PGAP1: variants seen among roughly 807,000 people sequenced by gnomAD.
The protein encoded by PGAP1 is post-GPI attachment to proteins inositol deacylase 1.
A neutral mutation model predicts 127.0 loss-of-function variants in PGAP1; 76 were observed. The observed-to-expected ratio is 0.60, with a 90% CI of 0.50 to 0.72. The LOEUF (loss-of-function observed/expected upper bound fraction) is 0.72. Ranked by LOEUF, PGAP1 falls within the 30% of genes least tolerant of loss-of-function variation. The probability of loss-of-function intolerance (pLI) is 0.00; values close to 1 mark genes in which losing one functional copy is unlikely to be tolerated. For synonymous variants in PGAP1, 362 were observed against 366.5 expected (o/e 0.99, Z 0.14); for missense variants, 982 against 1,071.3 (o/e 0.92, Z 1.16).
intron 20 of PGAP1, among the ~76,000 whole-genome samples, chr2:196,860,465 C>T (rs577893116): frequency 2.8e-4 from 43 of 151,984 alleles, no homozygotes; most frequent in Non-Finnish European, 5.3e-4. Flanking sequence ...ACCTGGGAGG[C>T]AGAGTTCGCA....
intron 10 of PGAP1, among the ~76,000 whole-genome samples, chr2:196,886,542 A>G (rs1701912519): frequency 6.6e-6 from 1 of 152,174 alleles, no homozygotes; most frequent in Admixed American, 6.5e-5. Flanking sequence ...TACTTTAATT[A>G]GATAGTTATA....
chr2:196,918,131 C>A (rs912973084), intron 2 of PGAP1, among the ~76,000 whole-genome samples: 2 of 152,146 alleles, frequency 1.3e-5, no homozygotes, highest in Non-Finnish European at 2.9e-5. Context: ...AAAGGAAATT[C>A]TCTTCATAGT....
rs762772805 is a variant in PGAP1 at position 196,844,018 on chromosome 2, T to C, written c.2395A>G (p.Ile799Val). Residue 799 changes from isoleucine (I) to valine (V), a missense_variant, in exon 25 of 27, where the codon ATA becomes GTA. Ile to Val is a conservative substitution (Grantham distance 29, BLOSUM62 3). Coordinates refer to ENST00000354764, the MANE Select transcript of PGAP1 (RefSeq NM_024989.4). The part of the protein sequence containing the change: ...KKSNHHKDSS[I>V]HHLRLSANDA... ...TTGGCAGATAAACGAAGATGGTGTA[T>C]TGAGGAGTCTTTATGATGATTGGAT... 6.2e-7 allele frequency: 1 copy of C among 1,605,336 alleles called. No individual in the cohort carries two copies. Among genetic ancestry groups the C allele is most frequent in the South Asian group, 1.1e-5 (1 of 89,908 alleles).
At chr2:196,914,720 T>C (rs552325899) in intron 3 of PGAP1, among the ~76,000 whole-genome samples, 1 of 151,782 alleles carries the variant, frequency 6.6e-6, no homozygotes, top group Admixed American at 6.6e-5. Context: ...TTCCATACAC[T>C]CTTAAATCCA....
At chr2:196,845,791 G>T in intron 23 of PGAP1, 91 bp downstream of exon 23, 1 of 1,109,950 alleles carries the variant, frequency 9.0e-7, no homozygotes, top group South Asian at 2.7e-5. Context: ...CAGTGTTTAT[G>T]AGAATTTTTG....
At chr2:196,844,158 C>A in intron 24 of PGAP1, 83 bp from the exon 25 acceptor site, 1 of 772,944 alleles carries the variant, frequency 1.3e-6, no homozygotes, top group South Asian at 4.2e-5. Flanking sequence ...TACTTATCAA[C>A]TAAATAAGTA....
chr2:196,841,316 G>A lies in PGAP1; in HGVS notation c.2687C>T (p.Ala896Val), dbSNP rs753725613. The change falls in exon 27 of 27, where the codon GCT becomes GTT. Residue 896 changes from alanine to valine, a missense_variant. Physicochemically the swap from Ala to Val is moderately conservative, Grantham distance 64. Coordinates refer to ENST00000354764, the MANE Select transcript of PGAP1 (RefSeq NM_024989.4). ...FPLPLAVGVI[A>V]FGSAHLYRLP... ...CCTATATAAATGTGCTGACCCAAAA[G>A]CAATCACACCAACAGCCAGAGGAAG... 2 of 1,613,696 alleles carry A rather than the reference G, an allele frequency of 1.2e-6. No homozygotes were observed. The highest frequency in any genetic ancestry group is 1.3e-5 in the African/African-American group (1 of 74,988).
chr2:196,859,093 G>A (rs1700981360), intron 20 of PGAP1, among the ~76,000 whole-genome samples: 1 of 152,162 alleles, frequency 6.6e-6, no homozygotes, highest in South Asian at 2.1e-4. Context: ...TTGGGAGGCT[G>A]AGGCAGGCAG....
rs772233802 is a variant in PGAP1 at position 196,841,256 on chromosome 2, T to G, written c.2747A>C (p.His916Pro). Residue 916 changes from histidine to proline, a missense_variant, in exon 27 of 27, where the codon CAT (histidine) becomes CCT (proline). Physicochemically the swap from His to Pro is moderately conservative, Grantham distance 77. Transcript: ENST00000354764. ...PCFVFIPLLL[H>P]ALCNFM ...ATCTTACATAAAGTTGCATAATGCA[T>G]GGAGTAAAAGAGGAATGAAGACAAA... 1 of 1,613,190 alleles carries G rather than the reference T, an allele frequency of 6.2e-7. No individual in the cohort carries two copies. The highest frequency in any genetic ancestry group is 8.5e-7 in the Non-Finnish European group (1 of 1,179,706).
intron 25 of PGAP1, 70 bp downstream of exon 25, chr2:196,843,818 T>C (rs552103102): frequency 2.0e-6 from 2 of 991,782 alleles, no homozygotes; most frequent in African/African-American, 3.3e-5. Context: ...ATTAGGAATC[T>C]AGCAAGTCTC....
intron 10 of PGAP1, among the ~76,000 whole-genome samples, 154 bp downstream of exon 10, chr2:196,890,673 TC>T (rs1702066621): frequency 6.6e-6 from 1 of 152,080 alleles, no homozygotes; most frequent in Non-Finnish European, 1.5e-5. Context: ...AAAAATTTGA[TC>T]AATACTTTTC....
chr2:196,853,184 T>C (rs1700774142), intron 20 of PGAP1, among the ~76,000 whole-genome samples: 1 of 152,272 alleles, frequency 6.6e-6, no homozygotes, highest in Admixed American at 6.5e-5. Flanking sequence ...TCCTGAGATC[T>C]GTTCTTCCTC....
chr2:196,855,325 C>CAAAAAAAAAAA lies in PGAP1; in HGVS notation c.1862-7299_1862-7289dup, dbSNP rs112534782. 3.0e-5 allele frequency among the ~76,000 whole-genome samples: 2 copies of CAAAAAAAAAAA among 67,150 alleles called. 1 individual carries two copies. The highest frequency in any genetic ancestry group is 1.0e-4 in the African/African-American group (2 of 19,096). The allele number at this position is 67,150 out of a possible 152,430, so 44.1% of individuals were successfully genotyped here. On this transcript the variant is annotated intron_variant, in intron 20 of 26. Transcript: ENST00000354764. The stretch of plus-strand genomic sequence containing the variant: ...TGGCGACAGAGCGAGACTCTGTCAC[C>CAAAAAAAAAAA]AAAAAAAAAAAAAAAAAAAAATGAT...
chr2:196,892,990 T>G (rs1702151778), intron 8 of PGAP1, 150 bp downstream of exon 8: 1 of 303,952 alleles, frequency 3.3e-6, no homozygotes, highest in Non-Finnish European at 5.9e-6. Context: ...AGCATCATCA[T>G]AGGGAAATTA....
Position 196,926,623 on chromosome 2 carries a change from G to A in PGAP1, c.-7C>T. 6.2e-7 allele frequency: 1 copy of A among 1,613,264 alleles called. No homozygotes were observed. The highest frequency in any genetic ancestry group is 8.5e-7 in the Non-Finnish European group (1 of 1,179,710). ...TAACTGAGTGAAGAAACATGGTGCC[G>A]CCACCACCGCCGCCGCCGCCGCCGC... On this transcript the variant is annotated 5_prime_UTR_variant, in exon 1 of 27. Coordinates refer to ENST00000354764, the MANE Select transcript of PGAP1 (RefSeq NM_024989.4).
At chr2:196,919,669 G>A (rs767774922) in intron 2 of PGAP1, among the ~76,000 whole-genome samples, 1 of 152,062 alleles carries the variant, frequency 6.6e-6, no homozygotes, top group African/African-American at 2.4e-5. Flanking sequence ...TTAAGGTTCT[G>A]TTCTCTTTAC....
chr2:196,873,875 C>T, intron 14 of PGAP1, 117 bp from the exon 15 acceptor site: 1 of 694,870 alleles, frequency 1.4e-6, no homozygotes, highest in Non-Finnish European at 2.5e-6. Context: ...TACAGGTTTT[C>T]ACTTCTGTAT....
chr2:196,845,885 A>T lies in PGAP1; in HGVS notation c.2283T>A (p.Phe761Leu). The T allele has an allele frequency of 6.2e-7, 1 of 1,605,204 alleles. No homozygotes were observed. The highest frequency in any genetic ancestry group is 8.5e-7 in the Non-Finnish European group (1 of 1,174,954). ...AILLSYLYYV[F>L]KVVHLQASLT... ...TGGCTTTACTGATTTGACATACCTTAAACACATAGTAAAGATAAGAAAGAA... is the reference window on the plus strand; with the variant it reads ...TGGCTTTACTGATTTGACATACCTTTAACACATAGTAAAGATAAGAAAGAA... Residue 761 changes from phenylalanine to leucine, a missense_variant, in exon 23 of 27, where the codon TTT (phenylalanine) becomes TTA (leucine). By Grantham distance (22) the Phe-to-Leu change is conservative. Transcript: ENST00000354764.
At chr2:196,854,873 G>A (rs1338959917) in intron 20 of PGAP1, among the ~76,000 whole-genome samples, 1 of 152,110 alleles carries the variant, frequency 6.6e-6, no homozygotes, top group Non-Finnish European at 1.5e-5. Flanking sequence ...GAACACCTGG[G>A]CTCAAGTGAT....
Sources: allele counts gnomAD v4.1 joint callset (sites outside exome capture counted in the v4.1 genomes callset), GRCh38; gene constraint gnomAD v4.1.1; transcripts MANE v1.5; gene names NCBI Gene and HGNC (gene_info 2026-07-23, HGNC 2026-07-21).